The following HOOK3 variants were observed in gnomAD, a reference collection of about 807,000 sequenced individuals.
HOOK3 encodes hook microtubule tethering protein 3, also known as protein Hook homolog 3.
A neutral mutation model predicts 116.3 loss-of-function variants in HOOK3; 24 were observed. That is an observed-to-expected ratio of 0.21 (90% CI 0.15 to 0.29). The LOEUF (loss-of-function observed/expected upper bound fraction) is 0.29. Ranked by LOEUF, HOOK3 falls within the 10% of genes least tolerant of loss-of-function variation. The probability of loss-of-function intolerance (pLI) is 1.00; values close to 1 mark genes in which losing one functional copy is unlikely to be tolerated. For missense variants in HOOK3, 632 were observed against 830.2 expected (o/e 0.76, Z 2.93); for synonymous variants, 275 against 283.0 (o/e 0.97, Z 0.28).
intron 15 of HOOK3, among the ~76,000 whole-genome samples, chr8:42,995,323 A>G (rs761622298): frequency 2.0e-5 from 3 of 152,204 alleles, no homozygotes; most frequent in Non-Finnish European, 4.4e-5. Context: ...TCTTACTAAG[A>G]TAACTGGTCA....
Position 42,986,839 on chromosome 8 carries a change from A to G in HOOK3, c.1532+44A>G, listed in dbSNP as rs771260680. 17 of 1,586,622 alleles carry G rather than the reference A, an allele frequency of 1.1e-5. No individual in the cohort carries two copies. The Admixed American group carries it at 2.1e-4, about 20-fold the overall frequency. On this transcript the variant is annotated intron_variant, in intron 15 of 21. Coordinates refer to ENST00000307602, the MANE Select transcript of HOOK3 (RefSeq NM_032410.4). ...CCGCATCTGGCTATAAGTTTTCCCT[A>G]TTTGCCTTGATTCTGAATCCCTTAA...
Position 43,010,413 on chromosome 8 carries a change from T to G in HOOK3, c.1839+8T>G. 1 of 1,257,176 alleles carries G rather than the reference T, an allele frequency of 8.0e-7. No homozygotes were observed. Among genetic ancestry groups the G allele is most frequent in the Non-Finnish European group, 1.1e-6 (1 of 917,278 alleles). The allele number at this position is 1,257,176 out of a possible 1,614,324, so 77.9% of individuals were successfully genotyped here. Reference sequence around the variant, plus strand: ...TTAGAGAAAGCCAAAAGTGTAAGTATGAATTTTGTAGGCATCTCACTCTAC... The same window carrying G: ...TTAGAGAAAGCCAAAAGTGTAAGTAGGAATTTTGTAGGCATCTCACTCTAC... On this transcript the variant is annotated splice_region_variant and intron_variant, in intron 19 of 21. Coordinates refer to ENST00000307602, the MANE Select transcript of HOOK3 (RefSeq NM_032410.4).
chr8:42,903,075 A>T (rs1807222094), intron 1 of HOOK3, among the ~76,000 whole-genome samples: 1 of 152,182 alleles, frequency 6.6e-6, no homozygotes, highest in South Asian at 2.1e-4. Context: ...TAAAATTCAA[A>T]ATCAGTTCCC....
chr8:42,905,127 C>G (rs1356531692), intron 1 of HOOK3, among the ~76,000 whole-genome samples: 1 of 152,110 alleles, frequency 6.6e-6, no homozygotes, highest in African/African-American at 2.4e-5. Flanking sequence ...AATATCTAAC[C>G]TAACCATTCT....
At chr8:42,966,897 G>A (rs533235370) in intron 10 of HOOK3, among the ~76,000 whole-genome samples, 3 of 152,276 alleles carry the variant, frequency 2.0e-5, no homozygotes, top group African/African-American at 7.2e-5. Context: ...TAGAAATTGT[G>A]ACCATCACTT....
chr8:42,973,460 T>A, intron 12 of HOOK3, 61 bp downstream of exon 12: 2 of 1,043,986 alleles, frequency 1.9e-6, no homozygotes, highest in Non-Finnish European at 2.8e-6. Flanking sequence ...CGATTATGTT[T>A]AATTCATGTT....
At chr8:42,905,332 G>GC (rs1554508037) in intron 1 of HOOK3, among the ~76,000 whole-genome samples, 2 of 146,672 alleles carry the variant, frequency 1.4e-5, no homozygotes, top group Non-Finnish European at 3.0e-5. Flanking sequence ...TTTTGGGGGG[G>GC]GGGGTGCCGT....
intron 12 of HOOK3, 136 bp from the exon 13 acceptor site, chr8:42,973,971 C>T: frequency 2.9e-6 from 2 of 687,270 alleles, no homozygotes; most frequent in Middle Eastern, 2.6e-4. Flanking sequence ...CTTCTATGAT[C>T]TTTCCATAGA....
At chr8:42,906,731 G>T (rs1807318844) in intron 2 of HOOK3, among the ~76,000 whole-genome samples, 1 of 152,072 alleles carries the variant, frequency 6.6e-6, no homozygotes, top group Non-Finnish European at 1.5e-5. Flanking sequence ...CATATATTTG[G>T]TTGTTCATTC....
At chr8:42,989,448 A>G (rs538439872) in intron 15 of HOOK3, among the ~76,000 whole-genome samples, 9 of 152,276 alleles carry the variant, frequency 5.9e-5, no homozygotes, top group African/African-American at 1.9e-4. Context: ...TATTTTGTAG[A>G]TGAACTTTTT....
chr8:42,978,398 C>T (rs1271924567), intron 13 of HOOK3, among the ~76,000 whole-genome samples: 1 of 150,586 alleles, frequency 6.6e-6, no homozygotes, highest in African/African-American at 2.5e-5. Context: ...TGCCTACCAC[C>T]ATGCCTGGCT....
intron 6 of HOOK3, among the ~76,000 whole-genome samples, chr8:42,952,136 T>G (rs1376195284): frequency 6.6e-6 from 1 of 152,128 alleles, no homozygotes; most frequent in Non-Finnish European, 1.5e-5. Flanking sequence ...CTCAGGGGTC[T>G]CCAGGCCACC....
intron 4 of HOOK3, among the ~76,000 whole-genome samples, 160 bp downstream of exon 4, chr8:42,930,332 T>G (rs1807850441): frequency 6.6e-6 from 1 of 152,240 alleles, no homozygotes; most frequent in Non-Finnish European, 1.5e-5. Context: ...CAACCATCTG[T>G]CAGTCAGTTA....
intron 13 of HOOK3, among the ~76,000 whole-genome samples, chr8:42,979,789 T>C (rs566072109): frequency 1.3e-5 from 2 of 152,118 alleles, no homozygotes; most frequent in East Asian, 3.9e-4. Flanking sequence ...AATATCCTAA[T>C]TTTTTTTCCC....
intron 1 of HOOK3, 27 bp from the exon 2 acceptor site, chr8:42,906,146 C>A (rs200599068): frequency 2.6e-6 from 1 of 390,930 alleles, no homozygotes; most frequent in South Asian, 2.8e-5. Context: ...CAGAATCTCT[C>A]CCCCCCCCCT....
At chr8:42,966,118 TG>T (rs1379260793) in intron 9 of HOOK3, among the ~76,000 whole-genome samples, 2 of 152,226 alleles carry the variant, frequency 1.3e-5, no homozygotes, top group African/African-American at 4.8e-5. Flanking sequence ...AAGAGTATGT[TG>T]TTTTTATTAA....
intron 4 of HOOK3, among the ~76,000 whole-genome samples, chr8:42,938,076 T>C (rs1028208070): frequency 1.8e-4 from 27 of 152,190 alleles, no homozygotes; most frequent in African/African-American, 6.0e-4. Flanking sequence ...GGTGCTCCTG[T>C]ATTGGGTGCA....
At chr8:43,011,930 C>T (rs759057004) in intron 19 of HOOK3, among the ~76,000 whole-genome samples, 6 of 151,996 alleles carry the variant, frequency 3.9e-5, no homozygotes, top group Non-Finnish European at 7.4e-5. Flanking sequence ...GTAAAAAGAC[C>T]TTTCCCAGTA....
At chr8:42,984,338 A>T (rs1809008725) in intron 14 of HOOK3, among the ~76,000 whole-genome samples, 1 of 151,594 alleles carries the variant, frequency 6.6e-6, no homozygotes, top group African/African-American at 2.4e-5. Flanking sequence ...ATTGCACTCC[A>T]GTCTGGGCAA....
Sources: allele counts gnomAD v4.1 joint callset (sites outside exome capture counted in the v4.1 genomes callset), GRCh38; gene constraint gnomAD v4.1.1; transcripts MANE v1.5; gene names NCBI Gene and HGNC (gene_info 2026-07-23, HGNC 2026-07-21).